COL6A6: variants seen among roughly 807,000 people sequenced by gnomAD.
COL6A6 encodes collagen alpha-6(VI) chain.
In COL6A6, 183 loss-of-function variants were observed where a neutral mutation model predicts 208.6. The observed-to-expected ratio is 0.88, with a 90% CI of 0.78 to 0.99. The LOEUF is 0.99. Among genes scored for constraint, COL6A6 ranks in the 50% least tolerant of loss-of-function variants. The pLI is 0.00. For synonymous variants in COL6A6, 973 were observed against 1,011.8 expected (o/e 0.96, Z 0.73); for missense variants, 2,816 against 2,815.2 (o/e 1.00, Z -0.01).
At chr3:130,647,792 G>A (rs1210131842) in intron 32 of COL6A6, among the ~76,000 whole-genome samples, 2 of 152,210 alleles carry the variant, frequency 1.3e-5, no homozygotes, top group Non-Finnish European at 2.9e-5. Context: ...AATCTGACTT[G>A]CTGATATCTG....
At chr3:130,673,484 G>A (rs569747333) in intron 36 of COL6A6, among the ~76,000 whole-genome samples, 12 of 152,098 alleles carry the variant, frequency 7.9e-5, no homozygotes, top group African/African-American at 2.7e-4. Flanking sequence ...GGAGAGGTGC[G>A]GGGTAGGGGG....
intron 1 of COL6A6, among the ~76,000 whole-genome samples, chr3:130,529,485 G>A (rs1278644533): frequency 1.3e-5 from 2 of 152,122 alleles, no homozygotes; most frequent in African/African-American, 4.8e-5. Flanking sequence ...ATATGCCAGG[G>A]AGACACAGGC....
chr3:130,672,161 A>G (rs568934689), intron 36 of COL6A6, among the ~76,000 whole-genome samples: 1 of 152,202 alleles, frequency 6.6e-6, no homozygotes, highest in Non-Finnish European at 1.5e-5. Context: ...ACTCTTGAAT[A>G]TCTGCATAGA....
At chr3:130,644,076 A>G (rs1207369208) in intron 31 of COL6A6, among the ~76,000 whole-genome samples, 1 of 152,246 alleles carries the variant, frequency 6.6e-6, no homozygotes, top group Non-Finnish European at 1.5e-5. Context: ...AAGGGACTCC[A>G]TAAAAAATCG....
intron 31 of COL6A6, 99 bp from the exon 32 acceptor site, chr3:130,644,892 A>G: frequency 8.1e-6 from 9 of 1,114,370 alleles, no homozygotes; most frequent in South Asian, 5.1e-5. Context: ...TGAGTCATCT[A>G]CAAAAAGCAG....
At chr3:130,531,302 C>T (rs1019706981) in intron 1 of COL6A6, among the ~76,000 whole-genome samples, 5 of 151,604 alleles carry the variant, frequency 3.3e-5, no homozygotes, top group African/African-American at 1.2e-4. Flanking sequence ...AGCATACTAA[C>T]AACAGTAGTG....
chr3:130,641,483 A>G (rs937262618), intron 28 of COL6A6, among the ~76,000 whole-genome samples, 169 bp from the exon 29 acceptor site: 1 of 152,200 alleles, frequency 6.6e-6, no homozygotes, highest in African/African-American at 2.4e-5. Flanking sequence ...ATTGCTGGGA[A>G]TATTTTTTCC....
intron 18 of COL6A6, among the ~76,000 whole-genome samples, chr3:130,597,812 A>G (rs1489911525): frequency 3.3e-5 from 5 of 152,158 alleles, no homozygotes; most frequent in African/African-American, 1.2e-4. Context: ...GGGTGAACAT[A>G]TGGGTGTAGC....
chr3:130,601,376 G>C (rs2064014235), intron 20 of COL6A6, among the ~76,000 whole-genome samples: 1 of 152,140 alleles, frequency 6.6e-6, no homozygotes, highest in Non-Finnish European at 1.5e-5. Context: ...GCAAGGCAGA[G>C]AAAATGAAAA....
intron 1 of COL6A6, among the ~76,000 whole-genome samples, chr3:130,539,462 C>T (rs932764459): frequency 2.4e-4 from 36 of 152,152 alleles, no homozygotes; most frequent in African/African-American, 7.7e-4. Context: ...AGGGAAACCC[C>T]GTCTCTACTA....
chr3:130,585,329 C>T (rs2063513757), intron 10 of COL6A6, among the ~76,000 whole-genome samples: 1 of 152,098 alleles, frequency 6.6e-6, no homozygotes, highest in African/African-American at 2.4e-5. Flanking sequence ...CTAAAAATAC[C>T]ACTTACAGGC....
chr3:130,590,274 TATATATATATATATATATATATA>T (rs2063648003), intron 12 of COL6A6, among the ~76,000 whole-genome samples: 1 of 19,748 alleles, frequency 5.1e-5, no homozygotes, highest in African/African-American at 2.1e-4. Context: ...TATATATATA[TATATATATATATATATATATATA>T]TATTTTTTTT....
chr3:130,549,658 T>C (rs1313201318), intron 1 of COL6A6, among the ~76,000 whole-genome samples: 2 of 152,132 alleles, frequency 1.3e-5, no homozygotes, highest in Non-Finnish European at 2.9e-5. Flanking sequence ...GTCTTTTCCC[T>C]ATTGCTTGTT....
intron 32 of COL6A6, among the ~76,000 whole-genome samples, chr3:130,646,701 T>C (rs937646578): frequency 2.6e-5 from 4 of 151,820 alleles, no homozygotes; most frequent in Non-Finnish European, 4.4e-5. Flanking sequence ...GGTTGAGACA[T>C]AGGGAGGGGG....
chr3:130,543,094 CAG>C (rs1282596083), intron 1 of COL6A6, among the ~76,000 whole-genome samples: 1 of 151,916 alleles, frequency 6.6e-6, no homozygotes, highest in African/African-American at 2.4e-5. Flanking sequence ...TTAGTAGAGA[CAG>C]GGTTTCACCA....
At chr3:130,521,922 A>T (rs1042494848) in intron 1 of COL6A6, among the ~76,000 whole-genome samples, 2 of 150,784 alleles carry the variant, frequency 1.3e-5, no homozygotes, top group African/African-American at 4.9e-5. Context: ...CTGCTCATTA[A>T]CATTGACTTT....
At chr3:130,596,096 T>G (rs2063844094) in intron 18 of COL6A6, among the ~76,000 whole-genome samples, 1 of 152,142 alleles carries the variant, frequency 6.6e-6, no homozygotes, top group African/African-American at 2.4e-5. Flanking sequence ...GCAATATATA[T>G]GAACATGTAA....
chr3:130,652,696 T>G (rs908693284), intron 33 of COL6A6, among the ~76,000 whole-genome samples: 14 of 152,234 alleles, frequency 9.2e-5, no homozygotes, highest in Non-Finnish European at 1.8e-4. Context: ...ACTTGCCGCC[T>G]TCTTTCTTTT....
chr3:130,624,414 A>G (rs2064825414), intron 24 of COL6A6, among the ~76,000 whole-genome samples: 1 of 152,256 alleles, frequency 6.6e-6, no homozygotes, highest in South Asian at 2.1e-4. Context: ...TTGCAAAGAC[A>G]GTTAATTGGA....
Sources: gnomAD v4.1 joint callset for allele counts (sites outside exome capture counted in the v4.1 genomes callset) on GRCh38, gnomAD v4.1.1 for gene constraint, MANE v1.5 for transcripts, NCBI Gene and HGNC (gene_info 2026-07-23, HGNC 2026-07-21) for gene names.